The following AARS1 variants were observed in gnomAD, a reference collection of about 807,000 sequenced individuals.
AARS1 encodes the protein alanyl-tRNA synthetase 1.
In AARS1, 72 loss-of-function variants were observed where a neutral mutation model predicts 108.9. That is an observed-to-expected ratio of 0.66 (90% CI 0.55 to 0.80). The LOEUF (loss-of-function observed/expected upper bound fraction) is 0.80, where lower values mean the gene tolerates loss of function less well. Among genes scored for constraint, AARS1 ranks in the 30% least tolerant of loss-of-function variants. The probability of loss-of-function intolerance (pLI) is 0.00; values close to 1 mark genes in which losing one functional copy is unlikely to be tolerated. For missense variants in AARS1, 1,193 were observed against 1,233.2 expected (o/e 0.97, Z 0.49); for synonymous variants, 489 against 465.7 (o/e 1.05, Z -0.64).
intron 3 of AARS1, 104 bp from the exon 4 acceptor site, chr16:70,276,735 A>G: frequency 1.5e-6 from 2 of 1,348,902 alleles, no homozygotes; most frequent in Admixed American, 1.8e-5. Context: ...CAACATGTTC[A>G]CTCTAAATTC....
At chr16:70,282,863 T>A in intron 1 of AARS1, 79 bp from the exon 2 acceptor site, 1 of 1,401,518 alleles carries the variant, frequency 7.1e-7, no homozygotes, top group Non-Finnish European at 1.0e-6. Flanking sequence ...TTCTGGCTTC[T>A]CAAGCCAAGT....
intron 11 of AARS1, among the ~76,000 whole-genome samples, 198 bp downstream of exon 11, chr16:70,264,760 A>T (rs1458959895): frequency 6.6e-6 from 1 of 152,090 alleles, no homozygotes; most frequent in African/African-American, 2.4e-5. Context: ...TCCTGTGACA[A>T]TAATTATTTC....
intron 1 of AARS1, among the ~76,000 whole-genome samples, chr16:70,288,800 C>A (rs897554161): frequency 6.0e-5 from 9 of 151,050 alleles, no homozygotes; most frequent in Non-Finnish European, 3.0e-5. Context: ...CCCCTGACCT[C>A]AGGTGATCCG....
At chr16:70,279,444 G>A (rs1422316639) in intron 2 of AARS1, among the ~76,000 whole-genome samples, 1 of 149,994 alleles carries the variant, frequency 6.7e-6, no homozygotes, top group Non-Finnish European at 1.5e-5. Flanking sequence ...CGGATCACCT[G>A]AGGCCAGGAG....
chr16:70,274,368 T>C (rs1960485961), intron 4 of AARS1, among the ~76,000 whole-genome samples: 1 of 151,862 alleles, frequency 6.6e-6, no homozygotes, highest in African/African-American at 2.4e-5. Flanking sequence ...ATTTCCTTTC[T>C]CCTAGTCTAT....
intron 11 of AARS1, among the ~76,000 whole-genome samples, chr16:70,262,991 A>C (rs1024867932): frequency 4.1e-5 from 6 of 145,544 alleles, no homozygotes; most frequent in South Asian, 2.1e-4. Flanking sequence ...AAAAAAAAAA[A>C]AAAAAAACAA....
intron 11 of AARS1, 128 bp from the exon 12 acceptor site, chr16:70,262,652 G>A: frequency 9.8e-7 from 1 of 1,015,466 alleles, no homozygotes; most frequent in Non-Finnish European, 1.4e-6. Context: ...TTGTATTTTG[G>A]AAGCAAACTC....
At chr16:70,268,407 C>T (rs767938970) in intron 7 of AARS1, 28 bp from the exon 8 acceptor site, 9 of 1,598,808 alleles carry the variant, frequency 5.6e-6, no homozygotes, top group South Asian at 2.2e-5. Flanking sequence ...TAGTCCCCAA[C>T]GTTCCCAGCT....
intron 13 of AARS1, 37 bp downstream of exon 13, chr16:70,261,007 A>G (rs1960119361): frequency 1.3e-6 from 2 of 1,483,222 alleles, no homozygotes; most frequent in Non-Finnish European, 1.9e-6. Context: ...GATAATTACT[A>G]ACCAGATCCA....
Position 70,258,126 on chromosome 16 carries a change from C to T in AARS1, c.2084G>A (p.Arg695Gln), listed in dbSNP as rs377378009. ...CACCGGGACCCCAATGGAGACGACTCGCACAGGGTCAGGATAGGTCTCATC... is the reference window on the plus strand; with the variant it reads ...CACCGGGACCCCAATGGAGACGACTTGCACAGGGTCAGGATAGGTCTCATC... Reference protein sequence around the residue: ...VFDETYPDPVRVVSIGVPVSE... With the variant: ...VFDETYPDPVQVVSIGVPVSE... The change falls in exon 15 of 21, where the codon CGA becomes CAA. Residue 695 changes from arginine (R) to glutamine (Q), a missense_variant. Arg to Gln is a conservative substitution (Grantham distance 43). Coordinates refer to ENST00000261772, the MANE Select transcript of AARS1 (RefSeq NM_001605.3). 70 of 1,613,300 alleles carry T rather than the reference C, an allele frequency of 4.3e-5. No homozygotes were observed. The highest frequency in any genetic ancestry group is 1.6e-4 in the Middle Eastern group (1 of 6,078).
intron 4 of AARS1, among the ~76,000 whole-genome samples, chr16:70,275,382 A>G (rs8056048): frequency 0.096 from 14,456 of 151,248 alleles, 2,239 homozygotes; most frequent in African/African-American, 0.33. Flanking sequence ...TTGGGAGGCC[A>G]CGGCGGGCAG....
chr16:70,278,914 T>C (rs1960621445), intron 2 of AARS1, among the ~76,000 whole-genome samples: 2 of 152,158 alleles, frequency 1.3e-5, no homozygotes, highest in South Asian at 4.1e-4. Flanking sequence ...TATGTGAGCA[T>C]GGACAACTGA....
rs1959908454 is a variant in AARS1 at position 70,253,795 on chromosome 16, T to A, written c.2526A>T (p.Leu842Phe). The change falls in exon 19 of 21, where the codon TTA (leucine) becomes TTT (phenylalanine). Residue 842 changes from leucine to phenylalanine, a missense_variant. Transcript: ENST00000261772. The stretch of plus-strand genomic sequence containing the variant: ...TGTCGATGAACTGCTTCGTCTTCTC[T>A]AACACCTGCAAGAAAAAAGTCCAGA... The part of the protein sequence containing the change: ...ASKADVQKRV[L>F]EKTKQFIDSN... The A allele has an allele frequency of 6.2e-7, 1 of 1,614,052 alleles. No homozygotes were observed. Among genetic ancestry groups the A allele is most frequent in the South Asian group, 1.1e-5 (1 of 91,092 alleles).
chr16:70,286,907 G>C (rs961193715), intron 1 of AARS1, among the ~76,000 whole-genome samples: 26 of 151,684 alleles, frequency 1.7e-4, no homozygotes, highest in African/African-American at 5.6e-4. Flanking sequence ...CCTGAGGTCA[G>C]GAGTTCGAGA....
intron 3 of AARS1, 70 bp from the exon 4 acceptor site, chr16:70,276,701 G>T: frequency 1.3e-6 from 2 of 1,510,538 alleles, no homozygotes; most frequent in Non-Finnish European, 1.8e-6. Flanking sequence ...GAGACCAGAT[G>T]CTAGGAACAC....
intron 13 of AARS1, among the ~76,000 whole-genome samples, chr16:70,259,946 A>G (rs1380998527): frequency 6.6e-6 from 1 of 151,830 alleles, no homozygotes; most frequent in Non-Finnish European, 1.5e-5. Context: ...CTAATTTTGT[A>G]TTTTTAGTAG....
intron 1 of AARS1, among the ~76,000 whole-genome samples, chr16:70,285,817 A>C (rs531869774): frequency 1.3e-5 from 2 of 152,264 alleles, no homozygotes; most frequent in African/African-American, 4.8e-5. Flanking sequence ...CCTGGCCTCA[A>C]TCTCCCAAGG....
At position 70,258,037 on chromosome 16, in the gene AARS1, C is replaced by G; in HGVS notation, c.2173G>C (p.Gly725Arg). 1 of 1,614,158 alleles carries G rather than the reference C, an allele frequency of 6.2e-7. No individual in the cohort carries two copies. Among genetic ancestry groups the G allele is most frequent in the Non-Finnish European group, 8.5e-7 (1 of 1,180,032 alleles). The change falls in exon 15 of 21, where the codon GGA becomes CGA. Residue 725 changes from glycine (G) to arginine (R), a missense_variant. Coordinates refer to ENST00000261772, the MANE Select transcript of AARS1 (RefSeq NM_001605.3). ...GSLTSVEFCG[G>R]THLRNSSHAG... ...CTGCCCCTCTGCAGTACTCACGTTC[C>G]CCCACAGAACTCAACAGAAGTCAGG...
rs988537566 is a variant in AARS1 at position 70,277,340 on chromosome 16, G to C, written c.145-186C>G. ...GCAGAGGGTAGCCTCTCATGGAGCA[G>C]TTTCTCCTTGAACCTAGCTCCCTAA... On this transcript the variant is annotated intron_variant, in intron 2 of 20. Transcript: ENST00000261772. 3.9e-5 allele frequency among the ~76,000 whole-genome samples: 6 copies of C among 152,278 alleles called. No homozygotes were observed. The East Asian group carries it at 1.2e-3, about 29-fold the overall frequency.
Sources: gnomAD v4.1 joint callset for allele counts (sites outside exome capture counted in the v4.1 genomes callset) on GRCh38, gnomAD v4.1.1 for gene constraint, MANE v1.5 for transcripts, NCBI Gene and HGNC (gene_info 2026-07-23, HGNC 2026-07-21) for gene names.